DOCK8: variants seen among roughly 807,000 people sequenced by gnomAD.
DOCK8 encodes dedicator of cytokinesis 8.
Under a neutral mutation model 245.6 loss-of-function variants are expected in DOCK8, and 141 were observed. That is an observed-to-expected ratio of 0.57 (90% CI 0.50 to 0.66). The LOEUF (loss-of-function observed/expected upper bound fraction) is 0.66, where lower values mean the gene tolerates loss of function less well. DOCK8 is among the 30% of genes least tolerant of loss of function. The probability of loss-of-function intolerance (pLI) is 0.00; values close to 1 mark genes in which losing one functional copy is unlikely to be tolerated. For missense variants in DOCK8, 2,965 were observed against 2,603.4 expected (o/e 1.14, Z -3.02); for synonymous variants, 1,168 against 970.2 (o/e 1.20, Z -3.79).
At chr9:450,307 C>G (rs1448998421) in intron 45 of DOCK8, among the ~76,000 whole-genome samples, 1 of 152,102 alleles carries the variant, frequency 6.6e-6, no homozygotes, top group Non-Finnish European at 1.5e-5. Flanking sequence ...CCTACAAATG[C>G]CTATAGGAGA....
intron 14 of DOCK8, among the ~76,000 whole-genome samples, chr9:351,585 A>G (rs1057000346): frequency 1.3e-5 from 2 of 152,210 alleles, no homozygotes; most frequent in Admixed American, 6.5e-5. Context: ...CCATTTGACA[A>G]GTTATCTTCT....
At chr9:242,005 T>C (rs1326190981) in intron 1 of DOCK8, among the ~76,000 whole-genome samples, 1 of 152,204 alleles carries the variant, frequency 6.6e-6, no homozygotes, top group Admixed American at 6.5e-5. Flanking sequence ...AGCTTAAGCC[T>C]TCACAGCACA....
upstream of DOCK8, chr9:212,900 T>C (rs566290396): frequency 4.0e-4 from 61 of 152,326 alleles, no homozygotes; most frequent in African/African-American, 1.5e-3. Context: ...GTCATAAACA[T>C]TCAGAAATTC....
intron 14 of DOCK8, among the ~76,000 whole-genome samples, chr9:349,181 G>A (rs7872650): frequency 0.023 from 3,515 of 152,322 alleles, 140 homozygotes; most frequent in African/African-American, 0.08. Context: ...TGAAAGGACT[G>A]TGTTTTGACA....
At chr9:246,444 C>T (rs535512670) in intron 1 of DOCK8, among the ~76,000 whole-genome samples, 1 of 152,116 alleles carries the variant, frequency 6.6e-6, no homozygotes, top group South Asian at 2.1e-4. Context: ...GCAGGAGGAT[C>T]ATCAAAACTG....
chr9:365,600 C>G (rs1437845509), intron 14 of DOCK8: 1 of 450,188 alleles, frequency 2.2e-6, no homozygotes, highest in Non-Finnish European at 4.4e-6. Context: ...GAGAAGTCTT[C>G]CAGGTTTCAG....
intron 26 of DOCK8, 48 bp downstream of exon 26, chr9:399,307 T>G (rs772023669): frequency 1.6e-6 from 2 of 1,232,174 alleles, no homozygotes; most frequent in Non-Finnish European, 2.2e-6. Context: ...CTTGGTTCCT[T>G]CTCATATAAT....
intron 45 of DOCK8, among the ~76,000 whole-genome samples, chr9:451,729 C>T (rs2057443813): frequency 6.6e-6 from 1 of 151,828 alleles, no homozygotes; most frequent in South Asian, 2.1e-4. Context: ...CCTGAGATGT[C>T]CAAGACCTTC....
At chr9:380,980 C>T (rs1279381997) in intron 21 of DOCK8, 1 of 152,800 alleles carries the variant, frequency 6.5e-6, no homozygotes, top group Non-Finnish European at 1.5e-5. Flanking sequence ...TACCTTTAGT[C>T]CCAGCTACTC....
chr9:365,875 G>A (rs1317776784), intron 14 of DOCK8: 2 of 324,568 alleles, frequency 6.2e-6, no homozygotes, highest in Admixed American at 8.3e-5. Flanking sequence ...CACCCCAACT[G>A]TCAACTGTCT....
chr9:256,031 A>G (rs1361156672), intron 1 of DOCK8, among the ~76,000 whole-genome samples: 1 of 152,216 alleles, frequency 6.6e-6, no homozygotes, highest in African/African-American at 2.4e-5. Context: ...GAAGTGATTT[A>G]AGAGATTATT....
At position 441,294 on chromosome 9, in the gene DOCK8, A is replaced by G. The variant is rs748798340; in HGVS notation, c.5232A>G (p.Leu1744=). 6.2e-6 allele frequency: 10 copies of G among 1,614,098 alleles called. No individual in the cohort carries two copies. Among genetic ancestry groups the G allele is most frequent in the African/African-American group, 1.3e-5 (1 of 74,936 alleles). Residue 1744 remains leucine (L), a synonymous_variant, in exon 41 of 48, where the codon TTA becomes TTG. Transcript: ENST00000432829. ...QAAELFSTGG[L]YETVNEVYKL... is the part of the protein sequence containing the mutation. ...CTTCTCCTCTTTCCAAGGGAGGCTT[A>G]TATGAGACAGTTAATGAGGTCTACA...
chr9:458,672 G>T (rs2057714030), intron 46 of DOCK8, among the ~76,000 whole-genome samples: 1 of 152,004 alleles, frequency 6.6e-6, no homozygotes, highest in Admixed American at 6.6e-5. Flanking sequence ...AATTAACCGG[G>T]TGTAGTGGCG....
intron 12 of DOCK8, 86 bp from the exon 13 acceptor site, chr9:338,920 A>G (rs1036160706): frequency 9.2e-7 from 1 of 1,091,768 alleles, no homozygotes; most frequent in Non-Finnish European, 1.4e-6. Context: ...ATAAAACTTA[A>G]AGGTAAAAAT....
At chr9:372,489 A>G (rs528977482) in intron 18 of DOCK8, among the ~76,000 whole-genome samples, 10 of 152,314 alleles carry the variant, frequency 6.6e-5, no homozygotes, top group African/African-American at 2.4e-4. Context: ...CAGTAGACGC[A>G]ACCTACACCC....
At chr9:287,205 G>A (rs1490296316) in intron 3 of DOCK8, among the ~76,000 whole-genome samples, 3 of 152,122 alleles carry the variant, frequency 2.0e-5, no homozygotes, top group Non-Finnish European at 4.4e-5. Context: ...AAACAGTGGG[G>A]AGAGCTCTGT....
intron 37 of DOCK8, among the ~76,000 whole-genome samples, chr9:433,403 A>G (rs1050419411): frequency 1.3e-5 from 2 of 152,168 alleles, no homozygotes; most frequent in Admixed American, 6.5e-5. Context: ...CTGGACCTCC[A>G]CTGTTGGTTT....
At position 332,425 on chromosome 9, in the gene DOCK8, A is replaced by G. The variant is rs757929543; in HGVS notation, c.1072A>G (p.Ile358Val). 3.7e-6 allele frequency: 6 copies of G among 1,613,144 alleles called. No individual in the cohort carries two copies. The highest frequency in any genetic ancestry group is 5.1e-6 in the Non-Finnish European group (6 of 1,179,326). ...TGAAAAAGTCCTGCAGCAGGGAGAG[A>G]TTGGAGACTGTGCAGAGCCCTACAC... ...KIEKVLQQGE[I>V]GDCAEPYTVI... Residue 358 changes from isoleucine to valine, a missense_variant, in exon 10 of 48, where the codon ATT becomes GTT. Physicochemically the swap from Ile to Val is conservative, Grantham distance 29. Around this residue, in one of 3 missense-constraint regions of DOCK8, gnomAD observed 2,825 missense variants for 2,453.5 expected, o/e 1.15. Transcript: ENST00000432829.
chr9:318,140 G>C (rs964040951), intron 7 of DOCK8, among the ~76,000 whole-genome samples: 1 of 151,984 alleles, frequency 6.6e-6, no homozygotes, highest in African/African-American at 2.4e-5. Context: ...GTGTACCCTC[G>C]GAGTGCCTCC....
Sources: gnomAD v4.1 joint callset for allele counts (sites outside exome capture counted in the v4.1 genomes callset) on GRCh38, gnomAD v4.1.1 for gene constraint, gnomAD v4.1.1 regional missense constraint, MANE v1.5 for transcripts, NCBI Gene and HGNC (gene_info 2026-07-23, HGNC 2026-07-21) for gene names.